STAT3: variants seen among roughly 807,000 people sequenced by gnomAD.
STAT3 encodes DNA-binding protein APRF.
Under a neutral mutation model 114.3 loss-of-function variants are expected in STAT3, and 7 were observed. That is an observed-to-expected ratio of 0.06 (90% CI 0.03 to 0.11). The LOEUF is 0.11. Among genes scored for constraint, STAT3 ranks in the 10% least tolerant of loss-of-function variants. The pLI is 1.00. For synonymous variants in STAT3, 331 were observed against 354.5 expected, an observed-to-expected ratio of 0.93 and a Z score of 0.74; for missense variants, 364 against 960.9, an observed-to-expected ratio of 0.38 and a Z score of 8.21.
chr17:42,316,109 G>A (rs2081238035), intron 23 of STAT3: 2 of 1,321,904 alleles, frequency 1.5e-6, no homozygotes, highest in Non-Finnish European at 1.9e-6. Flanking sequence ...AGACACACGT[G>A]GCCACCAAGC....
At chr17:42,371,157 C>A (rs1441466921) in intron 1 of STAT3, among the ~76,000 whole-genome samples, 1 of 151,996 alleles carries the variant, frequency 6.6e-6, no homozygotes, top group Non-Finnish European at 1.5e-5. Flanking sequence ...TGGTGGTCTA[C>A]CATTTATTTA....
In STAT3 at chr17:42,334,185, T is replaced by C. The variant is rs1438563796; in HGVS notation, c.798-136A>G. The stretch of plus-strand genomic sequence containing the variant: ...AATTTTTTTATTGTGGTGAAATATA[T>C]ATAGCATGAAATTTACAATTTTTCA... On this transcript the variant is annotated intron_variant, in intron 8 of 23. Coordinates refer to ENST00000264657, the MANE Select transcript of STAT3 (RefSeq NM_139276.3). 4.0e-6 allele frequency: 4 copies of C among 994,222 alleles called. No individual in the cohort carries two copies. The African/African-American group carries it at 6.5e-5, about 16-fold the overall frequency. The allele number at this position is 994,222 out of a possible 1,614,324, so 61.6% of individuals were successfully genotyped here.
chr17:42,338,786 T>C lies in STAT3; in HGVS notation c.495A>G (p.Val165=). ...AATCAAAGTCATCCTGGAGATTCTC[T>C]ACCACTTTCATTTTCTGTTCTAGAT... ...VQDLEQKMKV[V]ENLQDDFDFN... The change falls in exon 6 of 24, where the codon GTA becomes GTG. Residue 165 remains valine, a synonymous_variant. Transcript: ENST00000264657. The C allele has an allele frequency of 6.2e-7, 1 of 1,613,564 alleles. No individual in the cohort carries two copies. Among genetic ancestry groups the C allele is most frequent in the Non-Finnish European group, 8.5e-7 (1 of 1,179,736 alleles).
chr17:42,353,333 G>C lies in STAT3; in HGVS notation c.-23-4794C>G, dbSNP rs1598457408. On this transcript the variant is annotated intron_variant, in intron 1 of 23. Coordinates refer to ENST00000264657, the MANE Select transcript of STAT3 (RefSeq NM_139276.3). ...ACTGCACTCCAGCCTGGGCAACAGAGTGAGACTGCATATCAAAAAAAAAAA... is the reference window on the plus strand; with the variant it reads ...ACTGCACTCCAGCCTGGGCAACAGACTGAGACTGCATATCAAAAAAAAAAA... Among the ~76,000 whole-genome samples, 6 of 137,564 alleles carry C rather than the reference G, an allele frequency of 4.4e-5. No homozygotes were observed. In the Admixed American group the frequency reaches 4.4e-4, roughly 10 times the overall value. The allele number at this position is 137,564 out of a possible 152,430, so 90.2% of individuals were successfully genotyped here. A position where few individuals can be genotyped will look rare whatever the true frequency, so the allele number is the denominator to read the frequency against.
At chr17:42,347,164 G>C (rs1455037652) in intron 2 of STAT3, among the ~76,000 whole-genome samples, 1 of 130,514 alleles carries the variant, frequency 7.7e-6, no homozygotes, top group Non-Finnish European at 1.5e-5. Flanking sequence ...TCCAGCCTGG[G>C]CTACAGCCAG....
At chr17:42,368,592 T>C (rs1349846786) in intron 1 of STAT3, among the ~76,000 whole-genome samples, 1 of 152,172 alleles carries the variant, frequency 6.6e-6, no homozygotes, top group Non-Finnish European at 1.5e-5. Flanking sequence ...CCCTGGTAGC[T>C]GGGACTGCAG....
chr17:42,369,429 G>GT (rs1213198950), intron 1 of STAT3, among the ~76,000 whole-genome samples: 1 of 152,116 alleles, frequency 6.6e-6, no homozygotes, highest in African/African-American at 2.4e-5. Context: ...GTATTCCACA[G>GT]TGTATGTACC....
chr17:42,340,781 A>G (rs1221648471), intron 4 of STAT3, among the ~76,000 whole-genome samples: 1 of 152,182 alleles, frequency 6.6e-6, no homozygotes, highest in Non-Finnish European at 1.5e-5. Flanking sequence ...ATGGAGAGAA[A>G]GACTCTGTGT....
chr17:42,334,115 G>A (rs1298670818), intron 8 of STAT3, 66 bp from the exon 9 acceptor site: 17 of 1,590,664 alleles, frequency 1.1e-5, no homozygotes, highest in Non-Finnish European at 1.4e-5. Context: ...TGGAGAAGGG[G>A]AAGGAAATAC....
intron 1 of STAT3, among the ~76,000 whole-genome samples, chr17:42,379,084 C>T (rs903120819): frequency 6.6e-6 from 1 of 152,094 alleles, no homozygotes; most frequent in African/African-American, 2.4e-5. Context: ...CTAAATTGGG[C>T]TTACCTTCAC....
intron 1 of STAT3, among the ~76,000 whole-genome samples, chr17:42,380,095 C>A (rs146815381): frequency 6.6e-6 from 1 of 152,046 alleles, no homozygotes; most frequent in East Asian, 1.9e-4. Flanking sequence ...AGTGCAGCGG[C>A]GCGATCTCAG....
In STAT3 at chr17:42,329,836, T is replaced by G. The variant is rs1007851672; in HGVS notation, c.1110-60A>C. Reference sequence around the variant, plus strand: ...CTCTGTGTTTCTTCAAAAAGCCTACTTTGACCACCTGTTATTTACTGTCAT... The same window carrying G: ...CTCTGTGTTTCTTCAAAAAGCCTACGTTGACCACCTGTTATTTACTGTCAT... On this transcript the variant is annotated intron_variant, in intron 11 of 23. Transcript: ENST00000264657. 1.9e-6 allele frequency: 3 copies of G among 1,580,436 alleles called. No homozygotes were observed. In the Admixed American group the frequency reaches 5.1e-5, roughly 27 times the overall value.
At position 42,324,211 on chromosome 17, in the gene STAT3, C is replaced by T. The variant is rs111809138; in HGVS notation, c.1600+500G>A. Among the ~76,000 whole-genome samples the T allele has an allele frequency of 1.9e-4, 29 of 151,978 alleles. 1 individual carries two copies. Among genetic ancestry groups the T allele is most frequent in the African/African-American group, 6.3e-4 (26 of 41,448 alleles). Reference sequence around the variant, plus strand: ...GTGAGCACCTGTAGTCTCAGCTACTCGGGAGGCCGAGGCAGAAGAATCGCT... The same window carrying T: ...GTGAGCACCTGTAGTCTCAGCTACTTGGGAGGCCGAGGCAGAAGAATCGCT... On this transcript the variant is annotated intron_variant, in intron 17 of 23. Transcript: ENST00000264657. The surrounding 1 kb of genome is among the most constrained non-coding windows in gnomAD (Gnocchi z 4.5).
intron 1 of STAT3, among the ~76,000 whole-genome samples, chr17:42,379,764 G>T (rs2084672252): frequency 6.6e-6 from 1 of 152,140 alleles, no homozygotes; most frequent in Non-Finnish European, 1.5e-5. Flanking sequence ...CATGGACTGT[G>T]GGCAATGCAG....
At chr17:42,371,782 G>C (rs2084159972) in intron 1 of STAT3, among the ~76,000 whole-genome samples, 1 of 151,494 alleles carries the variant, frequency 6.6e-6, no homozygotes, top group Non-Finnish European at 1.5e-5. Context: ...AGGAGTTCAA[G>C]ACCAGCCTGG....
In STAT3 at chr17:42,330,921, T is replaced by C. The variant is rs1424123486; in HGVS notation, c.1109+551A>G. On this transcript the variant is annotated intron_variant, in intron 11 of 23. Coordinates refer to ENST00000264657, the MANE Select transcript of STAT3 (RefSeq NM_139276.3). ...GGTCAACAACAAAATGCATATATGATGGTGGTCCCATAAGATTATCATGGA... is the reference window on the plus strand; with the variant it reads ...GGTCAACAACAAAATGCATATATGACGGTGGTCCCATAAGATTATCATGGA... Among the ~76,000 whole-genome samples the C allele has an allele frequency of 2.6e-5, 4 of 152,204 alleles. No homozygotes were observed. The East Asian group carries it at 7.7e-4, about 29-fold the overall frequency.
intron 1 of STAT3, among the ~76,000 whole-genome samples, chr17:42,359,625 T>C (rs2083409072): frequency 6.6e-6 from 1 of 152,150 alleles, no homozygotes; most frequent in South Asian, 2.1e-4. Context: ...ATAGCTATGA[T>C]TTATATAGCA....
At chr17:42,321,640 C>T (rs1016957150) in intron 21 of STAT3, among the ~76,000 whole-genome samples, 9 of 152,168 alleles carry the variant, frequency 5.9e-5, no homozygotes, top group African/African-American at 1.9e-4. Context: ...TTTCTTCAGA[C>T]CATCTGGCAC....
intron 1 of STAT3, among the ~76,000 whole-genome samples, chr17:42,368,665 A>G (rs1324655651): frequency 6.6e-6 from 1 of 150,530 alleles, no homozygotes; most frequent in Non-Finnish European, 1.5e-5. Context: ...TCTCCACGTT[A>G]GCCAAGCTGG....
Sources: gnomAD v4.1 joint callset for allele counts (sites outside exome capture counted in the v4.1 genomes callset) on GRCh38, gnomAD v4.1.1 for gene constraint, Gnocchi (gnomAD v3.1) non-coding constraint, MANE v1.5 for transcripts, NCBI Gene and HGNC (gene_info 2026-07-23, HGNC 2026-07-21) for gene names.